Variants in DENND4C observed in about 807,000 individuals in gnomAD.
DENND4C encodes the protein DENN domain containing 4C, also known as DENN domain-containing protein 4C.
Under a neutral mutation model 203.0 loss-of-function variants are expected in DENND4C, and 108 were observed. The observed-to-expected ratio is 0.53, with a 90% CI of 0.46 to 0.62. The LOEUF is 0.62. Among genes scored for constraint, DENND4C ranks in the 20% least tolerant of loss-of-function variants. The pLI, the probability that DENND4C is intolerant of heterozygous loss-of-function variation, is 0.00. For synonymous variants in DENND4C, 871 were observed against 792.4 expected, an observed-to-expected ratio of 1.10 and a Z score of -1.67; for missense variants, 2,481 against 2,301.2, an observed-to-expected ratio of 1.08 and a Z score of -1.60.
At chr9:19,314,155 A>C (rs1056732630) in intron 10 of DENND4C, among the ~76,000 whole-genome samples, 2 of 151,968 alleles carry the variant, frequency 1.3e-5, no homozygotes, top group African/African-American at 4.8e-5. Context: ...AGGTTGAGGA[A>C]CAAAAGACTA....
intron 30 of DENND4C, among the ~76,000 whole-genome samples, chr9:19,364,738 C>T (rs1563845407): frequency 1.3e-5 from 2 of 151,972 alleles, no homozygotes; most frequent in Non-Finnish European, 2.9e-5. Context: ...ACTAAAAATA[C>T]AAAAAAATTT....
At position 19,321,423 on chromosome 9, in the gene DENND4C, T is replaced by A. The variant is rs182406926; in HGVS notation, c.1808-2939T>A. On this transcript the variant is annotated intron_variant, in intron 12 of 32. Transcript: ENST00000434457. Reference sequence around the variant, plus strand: ...ACAACCAAGTGAATGGCCATGCCCTTTATAAGAAGTAAAACAACAGAAAAA... The same window carrying A: ...ACAACCAAGTGAATGGCCATGCCCTATATAAGAAGTAAAACAACAGAAAAA... 1.8e-4 allele frequency among the ~76,000 whole-genome samples: 28 copies of A among 152,252 alleles called. No individual in the cohort carries two copies. The East Asian group carries it at 5.0e-3, about 27-fold the overall frequency.
chr9:19,282,570 A>AAAAAG (rs750836147), intron 2 of DENND4C, among the ~76,000 whole-genome samples: 1 of 147,222 alleles, frequency 6.8e-6, no homozygotes, highest in African/African-American at 2.5e-5. Flanking sequence ...AAAAAAAAAA[A>AAAAAG]AAAAATAATG....
At chr9:19,231,825 A>G (rs911441466) in intron 1 of DENND4C, among the ~76,000 whole-genome samples, 21 of 151,572 alleles carry the variant, frequency 1.4e-4, no homozygotes, top group African/African-American at 5.1e-4. Flanking sequence ...GAGCCTGCTT[A>G]ATTGTGTGCA....
chr9:19,260,537 A>G (rs1221953766), intron 1 of DENND4C, among the ~76,000 whole-genome samples: 1 of 152,018 alleles, frequency 6.6e-6, no homozygotes, highest in Non-Finnish European at 1.5e-5. Flanking sequence ...AGCTGGATCT[A>G]CAGGTGTGTG....
chr9:19,306,004 T>TA (rs1563784846), intron 10 of DENND4C, among the ~76,000 whole-genome samples: 1 of 152,198 alleles, frequency 6.6e-6, no homozygotes, highest in African/African-American at 2.4e-5. Flanking sequence ...AAATTTATAT[T>TA]AAAAATCAGT....
In DENND4C at chr9:19,286,684, C is replaced by G. The variant is rs186846501; in HGVS notation, c.306-85C>G. ...TTTCAAGAAGAAAACCAGCATTAAC[C>G]TGAAATGCATGTACTATATATATGT... On this transcript the variant is annotated intron_variant, in intron 2 of 32. Coordinates refer to ENST00000434457, the MANE Select transcript of DENND4C (RefSeq NM_001330640.2). The G allele has an allele frequency of 7.7e-6, 9 of 1,167,060 alleles. No homozygotes were observed. In the East Asian group the frequency reaches 1.3e-4, roughly 17 times the overall value. 72.3% of individuals were successfully genotyped at this position (1,167,060 alleles called of 1,614,324 possible). A position where few individuals can be genotyped will look rare whatever the true frequency, so the allele number is the denominator to read the frequency against.
chr9:19,341,714 G>A (rs150282382), intron 21 of DENND4C, among the ~76,000 whole-genome samples: 1 of 152,288 alleles, frequency 6.6e-6, no homozygotes, highest in African/African-American at 2.4e-5. Flanking sequence ...GACAGAACCA[G>A]GACTAAACTT....
At position 19,355,880 on chromosome 9, in the gene DENND4C, A is replaced by AT. The variant is rs575665765; in HGVS notation, c.4782-1084dup. Among the ~76,000 whole-genome samples the AT allele has an allele frequency of 6.5e-4, 98 of 151,806 alleles. 2 individuals are homozygous for AT. In the South Asian group the frequency reaches 0.014, roughly 21 times the overall value. On this transcript the variant is annotated intron_variant, in intron 26 of 32. Coordinates refer to ENST00000434457, the MANE Select transcript of DENND4C (RefSeq NM_001330640.2). ...ATCTGTGAGCCTGGTATATCTCTGTATTTTTTTTCAGATCTTCTTTTATGT... is the reference window on the plus strand; with the variant it reads ...ATCTGTGAGCCTGGTATATCTCTGTATTTTTTTTTCAGATCTTCTTTTATGT...
chr9:19,319,716 G>A (rs1408989397), intron 12 of DENND4C, among the ~76,000 whole-genome samples: 2 of 151,986 alleles, frequency 1.3e-5, no homozygotes, highest in Admixed American at 1.3e-4. Flanking sequence ...AAACAGTCCA[G>A]CATTTGGTCT....
In DENND4C at chr9:19,372,030, C is replaced by G. The variant is rs1828941589; in HGVS notation, c.5741-7C>G. ...ATTACAACTTCATTTTTGAAAATTTCTTTCAGAGGCATTTGACAATGAATA... is the reference window on the plus strand; with the variant it reads ...ATTACAACTTCATTTTTGAAAATTTGTTTCAGAGGCATTTGACAATGAATA... On this transcript the variant is annotated splice_polypyrimidine_tract_variant and splice_region_variant and intron_variant, in intron 32 of 32. Coordinates refer to ENST00000434457, the MANE Select transcript of DENND4C (RefSeq NM_001330640.2). The G allele has an allele frequency of 6.3e-7, 1 of 1,595,612 alleles. No homozygotes were observed. Among genetic ancestry groups the G allele is most frequent in the Non-Finnish European group, 8.5e-7 (1 of 1,172,534 alleles).
chr9:19,243,162 C>A (rs1289431858), intron 1 of DENND4C, among the ~76,000 whole-genome samples: 1 of 152,152 alleles, frequency 6.6e-6, no homozygotes, highest in East Asian at 1.9e-4. Flanking sequence ...CTCCTGGACC[C>A]CTAGCCCTAG....
At chr9:19,331,106 C>T (rs1819031987) in intron 16 of DENND4C, among the ~76,000 whole-genome samples, 1 of 151,866 alleles carries the variant, frequency 6.6e-6, no homozygotes, top group Non-Finnish European at 1.5e-5. Context: ...GATTTTGATA[C>T]CTAATTTTCT....
At chr9:19,294,261 G>C (rs1836960496) in intron 5 of DENND4C, among the ~76,000 whole-genome samples, 1 of 152,018 alleles carries the variant, frequency 6.6e-6, no homozygotes, top group African/African-American at 2.4e-5. Context: ...GTATTTAAAT[G>C]ATGGGTGACA....
At position 19,357,113 on chromosome 9, in the gene DENND4C, C is replaced by G. The variant is rs1357197592; in HGVS notation, c.4923C>G (p.Asn1641Lys). 1.4e-5 allele frequency: 22 copies of G among 1,613,746 alleles called. No homozygotes were observed. The East Asian group carries it at 4.9e-4, about 36-fold the overall frequency. Residue 1641 changes from asparagine to lysine, a missense_variant, in exon 27 of 33, where the codon AAC becomes AAG. Asn to Lys is a moderately conservative substitution (Grantham distance 94). Coordinates refer to ENST00000434457, the MANE Select transcript of DENND4C (RefSeq NM_001330640.2). ...ACTTTATGGACTTCCCAAAACATAA[C>G]CAGATCATAACTGAAGAAACAGGCT... ...LINFMDFPKHNQIITEETGSA... is the reference protein window; with the variant it reads ...LINFMDFPKHKQIITEETGSA...
At chr9:19,263,657 A>ATTTTTTTTTTTTTTTT (rs111309104) in intron 1 of DENND4C, among the ~76,000 whole-genome samples, 2 of 99,322 alleles carry the variant, frequency 2.0e-5, no homozygotes, top group African/African-American at 7.1e-5. Context: ...TTTTCTTCCC[A>ATTTTTTTTTTTTTTTT]TTTTTTTTTT....
At chr9:19,266,361 C>CTT (rs1238241133) in intron 1 of DENND4C, among the ~76,000 whole-genome samples, 2 of 151,100 alleles carry the variant, frequency 1.3e-5, no homozygotes, top group Non-Finnish European at 3.0e-5. Context: ...GATATTAGCC[C>CTT]TTTGTCAGAT....
intron 1 of DENND4C, among the ~76,000 whole-genome samples, chr9:19,245,707 C>A (rs187270136): frequency 6.6e-6 from 1 of 151,884 alleles, no homozygotes. Context: ...ATACAAAAAA[C>A]TAGCCAGGCG....
chr9:19,302,983 C>T (rs1283640828), intron 9 of DENND4C, among the ~76,000 whole-genome samples: 2 of 150,390 alleles, frequency 1.3e-5, no homozygotes, highest in Non-Finnish European at 3.0e-5. Flanking sequence ...ATGTCCTTTA[C>T]TTGGCTTTAC....
Sources: allele counts gnomAD v4.1 joint callset (sites outside exome capture counted in the v4.1 genomes callset), GRCh38; gene constraint gnomAD v4.1.1; transcripts MANE v1.5; gene names NCBI Gene and HGNC (gene_info 2026-07-23, HGNC 2026-07-21).